Variants in STMP1 observed in about 807,000 individuals in gnomAD.
STMP1 encodes mitolamban.
Under a neutral mutation model 7.0 loss-of-function variants are expected in STMP1, and 7 were observed. That is an observed-to-expected ratio of 1.01 (90% CI 0.57 to 1.89). The LOEUF is 1.89. Ranked by LOEUF, STMP1 falls within the 40% of genes most tolerant of loss-of-function variation. The pLI is 0.00. For synonymous variants in STMP1, 19 were observed against 18.4 expected, an observed-to-expected ratio of 1.03 and a Z score of -0.08; for missense variants, 45 against 53.0, an observed-to-expected ratio of 0.85 and a Z score of 0.47.
intron 1 of STMP1, among the ~76,000 whole-genome samples, chr7:135,663,165 A>G (rs967428016): frequency 6.6e-6 from 1 of 152,206 alleles, no homozygotes; most frequent in African/African-American, 2.4e-5. Context: ...AAGCATGAGT[A>G]AGCAGACTAT....
rs1204832450 is a variant in STMP1 at position 135,674,554 on chromosome 7, T to C, written c.*389T>C. 6.2e-6 allele frequency: 1 copy of C among 162,594 alleles called. No individual in the cohort carries two copies. Among genetic ancestry groups the C allele is most frequent in the East Asian group, 1.7e-4 (1 of 5,760 alleles). The allele number at this position is 162,594 out of a possible 1,614,324, so 10.1% of individuals were successfully genotyped here. A position where few individuals can be genotyped will look rare whatever the true frequency, so the allele number is the denominator to read the frequency against. ...TACAAATAATAGTGACTTCACAGTT[T>C]AGTAATTATAATGGGTACTTGTTAA... On this transcript the variant is annotated 3_prime_UTR_variant, in exon 3 of 3. Transcript: ENST00000507606.
rs978302051 is a variant in STMP1, at chr7:135,662,528, C to G, written c.-52C>G. 2.0e-6 allele frequency: 3 copies of G among 1,535,956 alleles called. No homozygotes were observed. The highest frequency in any genetic ancestry group is 8.8e-7 in the Non-Finnish European group (1 of 1,140,392). On this transcript the variant is annotated 5_prime_UTR_variant, in exon 1 of 3. Coordinates refer to ENST00000507606, the MANE Select transcript of STMP1 (RefSeq NM_001130929.2). ...CATGGGGAGGTAGGCTCGGACCGGC[C>G]CGCGGAGCTGCTGCAGTCCTTCGCG... is the stretch of plus-strand genomic sequence containing the variant.
chr7:135,667,000 C>T (rs966275481), intron 1 of STMP1, among the ~76,000 whole-genome samples: 8 of 152,216 alleles, frequency 5.3e-5, no homozygotes, highest in Non-Finnish European at 1.0e-4. Flanking sequence ...TGTATGACGG[C>T]TTCAATTTCT....
intron 2 of STMP1, among the ~76,000 whole-genome samples, chr7:135,673,888 T>G (rs1795382186): frequency 6.6e-6 from 1 of 152,172 alleles, no homozygotes; most frequent in South Asian, 2.1e-4. Flanking sequence ...CAGTGAGCTG[T>G]GTTTGCACCA....
Position 135,675,663 on chromosome 7 carries a change from C to G in STMP1, c.*1498C>G, listed in dbSNP as rs1795406147. 6.6e-6 allele frequency: 1 copy of G among 152,128 alleles called. No individual in the cohort carries two copies. Among genetic ancestry groups the G allele is most frequent in the South Asian group, 2.1e-4 (1 of 4,828 alleles). 9.4% of individuals were successfully genotyped at this position (152,128 alleles called of 1,614,324 possible). On this transcript the variant is annotated 3_prime_UTR_variant, in exon 3 of 3. Coordinates refer to ENST00000507606, the MANE Select transcript of STMP1 (RefSeq NM_001130929.2). ...GTTTTGTTTCAGAGGACTTGTTGAG[C>G]AGCTTCACTAATAATGCCATTTTTG...
chr7:135,662,680 G>A, intron 1 of STMP1, 86 bp downstream of exon 1: 1 of 1,468,276 alleles, frequency 6.8e-7, no homozygotes, highest in African/African-American at 1.4e-5. Context: ...CGACCCCGCC[G>A]ACCCGGCCTG....
intron 1 of STMP1, among the ~76,000 whole-genome samples, chr7:135,663,684 C>T (rs1020303345): frequency 6.6e-6 from 1 of 151,612 alleles, no homozygotes; most frequent in Non-Finnish European, 1.5e-5. Flanking sequence ...TTAACGGAGT[C>T]CCGCTCTGTC....
In STMP1 at chr7:135,674,384, C is replaced by G; in HGVS notation, c.*219C>G. 1 of 486,074 alleles carries G rather than the reference C, an allele frequency of 2.1e-6. No individual in the cohort carries two copies. 30.1% of individuals were successfully genotyped at this position (486,074 alleles called of 1,614,324 possible). A position where few individuals can be genotyped will look rare whatever the true frequency, so the allele number is the denominator to read the frequency against. On this transcript the variant is annotated 3_prime_UTR_variant, in exon 3 of 3. Transcript: ENST00000507606. ...CTCACCTCTTCCCATAATCCCTTTC[C>G]AACTGCATGGGAGGTTCTAAGACTG... is the stretch of plus-strand genomic sequence containing the variant.
intron 1 of STMP1, among the ~76,000 whole-genome samples, chr7:135,665,020 C>T (rs1173902102): frequency 6.6e-6 from 1 of 152,182 alleles, no homozygotes; most frequent in Non-Finnish European, 1.5e-5. Context: ...ACCCACCTCA[C>T]AGTTTTGTTG....
intron 1 of STMP1, among the ~76,000 whole-genome samples, chr7:135,666,410 G>T (rs1048681362): frequency 7.9e-5 from 12 of 152,156 alleles, no homozygotes; most frequent in African/African-American, 1.7e-4. Context: ...ATGCTGTGGT[G>T]CAATCTCGGC....
chr7:135,667,640 T>A (rs1795310812), intron 1 of STMP1, among the ~76,000 whole-genome samples: 1 of 152,268 alleles, frequency 6.6e-6, no homozygotes, highest in Non-Finnish European at 1.5e-5. Context: ...GTGTTGTCTT[T>A]TGACTTTCTT....
chr7:135,667,249 C>T lies in STMP1; in HGVS notation c.15+4655C>T, dbSNP rs751662923. Among the ~76,000 whole-genome samples, 8 of 152,144 alleles carry T rather than the reference C, an allele frequency of 5.3e-5. No individual in the cohort carries two copies. In the East Asian group the frequency reaches 7.7e-4, roughly 15 times the overall value. Reference sequence around the variant, plus strand: ...TTTTTGAGACGGAGTCTCGCTTTGTCGCCCAGGCTGGAGTGCAGTGGTGCA... The same window carrying T: ...TTTTTGAGACGGAGTCTCGCTTTGTTGCCCAGGCTGGAGTGCAGTGGTGCA... On this transcript the variant is annotated intron_variant, in intron 1 of 2. Coordinates refer to ENST00000507606, the MANE Select transcript of STMP1 (RefSeq NM_001130929.2).
chr7:135,673,692 A>G (rs1371624061), intron 2 of STMP1, among the ~76,000 whole-genome samples: 7 of 152,174 alleles, frequency 4.6e-5, no homozygotes, highest in Admixed American at 4.6e-4. Flanking sequence ...TAATCCTAGC[A>G]CTTTGGGAGG....
At chr7:135,673,972 G>A in intron 2 of STMP1, 119 bp from the exon 3 acceptor site, 3 of 678,978 alleles carry the variant, frequency 4.4e-6, no homozygotes, top group Non-Finnish European at 7.6e-6. Context: ...CCACTATTTA[G>A]CAGATCTCTT....
At position 135,662,523 on chromosome 7, in the gene STMP1, C is replaced by G; in HGVS notation, c.-57C>G. 1.3e-6 allele frequency: 2 copies of G among 1,529,764 alleles called. No homozygotes were observed. The highest frequency in any genetic ancestry group is 8.8e-7 in the Non-Finnish European group (1 of 1,136,512). The allele number at this position is 1,529,764 out of a possible 1,614,324, so 94.8% of individuals were successfully genotyped here. ...CCGCGCATGGGGAGGTAGGCTCGGA[C>G]CGGCCCGCGGAGCTGCTGCAGTCCT... On this transcript the variant is annotated 5_prime_UTR_variant, in exon 1 of 3. Coordinates refer to ENST00000507606, the MANE Select transcript of STMP1 (RefSeq NM_001130929.2).
intron 1 of STMP1, among the ~76,000 whole-genome samples, chr7:135,672,429 A>T (rs1362871215): frequency 6.6e-6 from 1 of 152,224 alleles, no homozygotes; most frequent in African/African-American, 2.4e-5. Context: ...TCAAGTATTT[A>T]TGTGGGTTGT....
rs1563150943 is a variant in STMP1 at position 135,675,682 on chromosome 7, A to G, written c.*1517A>G. ...GTTGAGCAGCTTCACTAATAATGCC[A>G]TTTTTGAAGACATGGCAGGTTCAGA... On this transcript the variant is annotated 3_prime_UTR_variant, in exon 3 of 3. Coordinates refer to ENST00000507606, the MANE Select transcript of STMP1 (RefSeq NM_001130929.2). The G allele has an allele frequency of 6.6e-6, 1 of 152,152 alleles. No individual in the cohort carries two copies. Among genetic ancestry groups the G allele is most frequent in the Non-Finnish European group, 1.5e-5 (1 of 68,018 alleles). The allele number at this position is 152,152 out of a possible 1,614,324, so 9.4% of individuals were successfully genotyped here. A position where few individuals can be genotyped will look rare whatever the true frequency, so the allele number is the denominator to read the frequency against.
intron 1 of STMP1, among the ~76,000 whole-genome samples, chr7:135,665,258 G>A (rs1448211829): frequency 1.3e-5 from 2 of 152,168 alleles, no homozygotes; most frequent in Admixed American, 6.5e-5. Context: ...TTTTGGAACC[G>A]TCTAAGATGT....
chr7:135,664,501 G>A (rs991150937), intron 1 of STMP1, among the ~76,000 whole-genome samples: 5 of 151,738 alleles, frequency 3.3e-5, no homozygotes, highest in African/African-American at 7.3e-5. Context: ...CTACAGGCCC[G>A]CACTACCACC....
Sources: allele counts gnomAD v4.1 joint callset (sites outside exome capture counted in the v4.1 genomes callset), GRCh38; gene constraint gnomAD v4.1.1; transcripts MANE v1.5; gene names NCBI Gene and HGNC (gene_info 2026-07-23, HGNC 2026-07-21).